Variants in TMC3 observed in about 807,000 individuals in gnomAD.
The protein encoded by TMC3 is transmembrane channel-like protein 3.
In TMC3, 98 loss-of-function variants were observed where a neutral mutation model predicts 110.6. That is an observed-to-expected ratio of 0.89 (90% confidence interval 0.75 to 1.05). The LOEUF is 1.05. Among genes scored for constraint, TMC3 ranks in the 50% least tolerant of loss-of-function variants. The probability of loss-of-function intolerance (pLI) is 0.00; values close to 1 mark genes in which losing one functional copy is unlikely to be tolerated. For missense variants in TMC3, 1,319 were observed against 1,373.2 expected (o/e 0.96, Z 0.62); for synonymous variants, 489 against 513.1 (o/e 0.95, Z 0.63).
At chr15:81,344,383 G>A (rs1893779956) in intron 13 of TMC3, among the ~76,000 whole-genome samples, 1 of 152,226 alleles carries the variant, frequency 6.6e-6, no homozygotes, top group South Asian at 2.1e-4. Flanking sequence ...CCTTGGGGTT[G>A]AGGTTCTCTG....
At chr15:81,373,096 G>C (rs1285489683) in intron 1 of TMC3, among the ~76,000 whole-genome samples, 1 of 152,066 alleles carries the variant, frequency 6.6e-6, no homozygotes, top group African/African-American at 2.4e-5. Context: ...AATTTGGGTA[G>C]GCAAAATAAT....
At position 81,356,636 on chromosome 15, in the gene TMC3, A is replaced by G. The variant is rs1267827679; in HGVS notation, c.744-42T>C. ...CAAACAGGTCTTGGGAGTCTCAGGA[A>G]TAGGGGGCTGTAGCTAGCACCCATG... is the stretch of plus-strand genomic sequence containing the variant. On this transcript the variant is annotated intron_variant, in intron 7 of 21. Coordinates refer to ENST00000359440, the MANE Select transcript of TMC3 (RefSeq NM_001080532.3). The G allele has an allele frequency of 3.2e-6, 5 of 1,560,086 alleles. No homozygotes were observed. The Admixed American group carries it at 7.6e-5, about 24-fold the overall frequency.
At chr15:81,339,896 G>A (rs931372421) in intron 16 of TMC3, among the ~76,000 whole-genome samples, 10 of 152,136 alleles carry the variant, frequency 6.6e-5, no homozygotes, top group African/African-American at 1.9e-4. Context: ...CCTATTCCCA[G>A]GCTTGAACTT....
At chr15:81,352,744 G>A (rs1424881643) in intron 9 of TMC3, among the ~76,000 whole-genome samples, 1 of 152,178 alleles carries the variant, frequency 6.6e-6, no homozygotes, top group African/African-American at 2.4e-5. Context: ...GGAGGTGGAA[G>A]GCAGTGATAT....
intron 3 of TMC3, among the ~76,000 whole-genome samples, chr15:81,362,977 G>T (rs1894222479): frequency 6.6e-6 from 1 of 152,184 alleles, no homozygotes; most frequent in Non-Finnish European, 1.5e-5. Context: ...TGTATTTTTG[G>T]CCAGGCGCGG....
chr15:81,349,637 G>T (rs905487945), intron 10 of TMC3, 70 bp from the exon 11 acceptor site: 3 of 903,278 alleles, frequency 3.3e-6, no homozygotes, highest in African/African-American at 3.5e-5. Context: ...ATGTGCATTT[G>T]ATCTCTTTCC....
chr15:81,336,573 A>G lies in TMC3; in HGVS notation c.2203+36T>C, dbSNP rs373950484. 6.2e-6 allele frequency: 10 copies of G among 1,608,510 alleles called. No homozygotes were observed. The African/African-American group carries it at 1.2e-4, about 19-fold the overall frequency. On this transcript the variant is annotated intron_variant, in intron 20 of 21. Coordinates refer to ENST00000359440, the MANE Select transcript of TMC3 (RefSeq NM_001080532.3). ...ACAGAGCAAGACTCTGCCTCAAAACAAAAAAACAACAACAAAAAGAAACGG... is the reference window on the plus strand; with the variant it reads ...ACAGAGCAAGACTCTGCCTCAAAACGAAAAAACAACAACAAAAAGAAACGG...
chr15:81,348,396 C>T (rs578206336), intron 11 of TMC3, among the ~76,000 whole-genome samples: 3 of 152,216 alleles, frequency 2.0e-5, no homozygotes, highest in African/African-American at 7.2e-5. Flanking sequence ...CCTCACCCAG[C>T]CCTACTACAG....
chr15:81,372,478 TG>T, intron 2 of TMC3, 112 bp downstream of exon 2: 1 of 1,347,578 alleles, frequency 7.4e-7, no homozygotes. Context: ...AGGTCAAGAG[TG>T]ACTGAGCCAT....
At chr15:81,334,395 G>T (rs1893544168) in intron 21 of TMC3, among the ~76,000 whole-genome samples, 3 of 152,104 alleles carry the variant, frequency 2.0e-5, no homozygotes, top group Admixed American at 2.0e-4. Context: ...GCTAAAATAT[G>T]GAAGATCTTG....
In TMC3 at chr15:81,351,766, G is replaced by C; in HGVS notation, c.1011C>G (p.Ile337Met). Residue 337 changes from isoleucine (I) to methionine (M), a missense_variant, in exon 10 of 22, where the codon ATC (isoleucine) becomes ATG (methionine). Physicochemically the swap from Ile to Met is conservative, Grantham distance 10. Coordinates refer to ENST00000359440, the MANE Select transcript of TMC3 (RefSeq NM_001080532.3). ...LLSLAGSIYL[I>M]YFVVDRSQKL... is the part of the protein sequence containing the mutation. Reference sequence around the variant, plus strand: ...TCTGGGACCGGTCCACCACAAAGTAGATGAGATAAATGCTCCCAGCCAGTG... The same window carrying C: ...TCTGGGACCGGTCCACCACAAAGTACATGAGATAAATGCTCCCAGCCAGTG... 6.2e-7 allele frequency: 1 copy of C among 1,603,110 alleles called. No homozygotes were observed. The highest frequency in any genetic ancestry group is 2.3e-5 in the East Asian group (1 of 44,296).
intron 9 of TMC3, among the ~76,000 whole-genome samples, chr15:81,354,459 G>T (rs1206692189): frequency 6.6e-6 from 1 of 152,164 alleles, no homozygotes; most frequent in Non-Finnish European, 1.5e-5. Context: ...AGCGGTTCAG[G>T]GTAGCTCCAT....
At chr15:81,352,810 G>A (rs187735742) in intron 9 of TMC3, among the ~76,000 whole-genome samples, 1 of 152,236 alleles carries the variant, frequency 6.6e-6, no homozygotes, top group Non-Finnish European at 1.5e-5. Context: ...TCTTTTGTTT[G>A]TTTGTTTTTT....
At position 81,368,313 on chromosome 15, in the gene TMC3, A is replaced by G. The variant is rs780954195; in HGVS notation, c.252T>C (p.Ile84=). Residue 84 remains isoleucine (I), a synonymous_variant, in exon 3 of 22, where the codon ATT becomes ATC. Coordinates refer to ENST00000359440, the MANE Select transcript of TMC3 (RefSeq NM_001080532.3). The stretch of plus-strand genomic sequence containing the variant: ...TCAGCCTCCCTTCAAACTTCAGCAC[A>G]ATGTTCTTCGCTTGTCTAAGAGAAG... ...KLRALRQAKN[I]VLKFEGRLTR... The G allele has an allele frequency of 1.9e-6, 3 of 1,613,538 alleles. No individual in the cohort carries two copies. Among genetic ancestry groups the G allele is most frequent in the Admixed American group, 1.7e-5 (1 of 60,012 alleles).
rs1232942924 is a variant in TMC3, at chr15:81,346,549, T to C, written c.1194-106A>G. On this transcript the variant is annotated intron_variant, in intron 11 of 21. Transcript: ENST00000359440. ...GACTGTCATGGATATATTAAGGCAG[T>C]GGCTGCCACACTTGGTTTCCTCTAG... 8 of 1,085,264 alleles carry C rather than the reference T, an allele frequency of 7.4e-6. No individual in the cohort carries two copies. In the Admixed American group the frequency reaches 1.7e-4, roughly 23 times the overall value. The allele number at this position is 1,085,264 out of a possible 1,614,324, so 67.2% of individuals were successfully genotyped here. A position where few individuals can be genotyped will look rare whatever the true frequency, so the allele number is the denominator to read the frequency against.
At chr15:81,351,348 CTT>C (rs35807579) in intron 10 of TMC3, among the ~76,000 whole-genome samples, 103 of 101,282 alleles carry the variant, frequency 1.0e-3, no homozygotes, top group African/African-American at 3.2e-3. Flanking sequence ...CTCTCTCTCT[CTT>C]TTTTTTTTTT....
intron 2 of TMC3, among the ~76,000 whole-genome samples, chr15:81,369,625 G>T (rs1349583876): frequency 6.6e-6 from 1 of 151,948 alleles, no homozygotes; most frequent in African/African-American, 2.4e-5. Context: ...ATACAGAGTT[G>T]CCTAAAACAG....
intron 21 of TMC3, among the ~76,000 whole-genome samples, chr15:81,334,466 T>C (rs1893545844): frequency 6.6e-6 from 1 of 152,212 alleles, no homozygotes; most frequent in Non-Finnish European, 1.5e-5. Context: ...CCTAGACAAA[T>C]GTTTATCCTA....
intron 11 of TMC3, among the ~76,000 whole-genome samples, chr15:81,348,819 T>C (rs1596084945): frequency 6.6e-6 from 1 of 152,284 alleles, no homozygotes; most frequent in Middle Eastern, 3.4e-3. Flanking sequence ...ATTTGTTTGT[T>C]TGTTTGTTTG....
Sources: gnomAD v4.1 joint callset for allele counts (sites outside exome capture counted in the v4.1 genomes callset) on GRCh38, gnomAD v4.1.1 for gene constraint, MANE v1.5 for transcripts, NCBI Gene and HGNC (gene_info 2026-07-23, HGNC 2026-07-21) for gene names.